The following SLC9A9 variants were observed in gnomAD, a reference collection of about 807,000 sequenced individuals.
SLC9A9 encodes solute carrier family 9 member A9, also known as sodium/hydrogen exchanger 9.
In SLC9A9, 62 loss-of-function variants were observed where a neutral mutation model predicts 77.8. The observed-to-expected ratio is 0.80, with a 90% CI of 0.65 to 0.98. The LOEUF is 0.98. SLC9A9 is among the 50% of genes least tolerant of loss of function. The pLI, the probability that SLC9A9 is intolerant of heterozygous loss-of-function variation, is 0.00. For synonymous variants in SLC9A9, 320 were observed against 283.5 expected (o/e 1.13, Z -1.29); for missense variants, 775 against 774.9 (o/e 1.00, Z 0.00).
At chr3:143,427,955 T>C (rs2034435807) in intron 12 of SLC9A9, among the ~76,000 whole-genome samples, 1 of 152,208 alleles carries the variant, frequency 6.6e-6, no homozygotes. Flanking sequence ...AACTAAAGAC[T>C]TAAATGCAGG....
intron 4 of SLC9A9, among the ~76,000 whole-genome samples, chr3:143,761,249 AC>A (rs1224533988): frequency 6.6e-5 from 10 of 152,154 alleles, no homozygotes; most frequent in African/African-American, 2.4e-4. Flanking sequence ...CTAGAAGAAA[AC>A]CTAGGCAATA....
intron 14 of SLC9A9, among the ~76,000 whole-genome samples, chr3:143,326,391 G>A (rs1488141311): frequency 6.6e-6 from 1 of 152,056 alleles, no homozygotes; most frequent in Non-Finnish European, 1.5e-5. Flanking sequence ...TCTTAACTTT[G>A]CCTGCCGGCC....
chr3:143,393,666 G>GTT (rs1421026869), intron 12 of SLC9A9, among the ~76,000 whole-genome samples: 5 of 152,166 alleles, frequency 3.3e-5, no homozygotes, highest in African/African-American at 1.2e-4. Context: ...ACAGGAGCTG[G>GTT]TTTTTTGAAA....
chr3:143,266,627 TGCCTCATCA>T lies in SLC9A9; in HGVS notation c.*66_*74del. ...ATGTTTTCCAGCCTCTCCCCTGTAC[TGCCTCATCA>T]GCTTGGCTTGTATTCCTCAGTGAGT... On this transcript the variant is annotated 3_prime_UTR_variant, in exon 16 of 16. Transcript: ENST00000316549. 6.8e-7 allele frequency: 1 copy of T among 1,460,908 alleles called. No homozygotes were observed. 90.5% of individuals were successfully genotyped at this position (1,460,908 alleles called of 1,614,324 possible).
intron 14 of SLC9A9, among the ~76,000 whole-genome samples, chr3:143,358,898 A>T (rs2032663380): frequency 6.6e-6 from 1 of 152,228 alleles, no homozygotes. Context: ...TCAGGCTTGA[A>T]TGTGCCAGAT....
At chr3:143,521,368 G>A (rs929730968) in intron 9 of SLC9A9, among the ~76,000 whole-genome samples, 1 of 152,102 alleles carries the variant, frequency 6.6e-6, no homozygotes, top group Non-Finnish European at 1.5e-5. Context: ...TTGTGATCTG[G>A]ATGCTGGTTA....
intron 12 of SLC9A9, among the ~76,000 whole-genome samples, chr3:143,417,690 C>G (rs113860450): frequency 6.6e-5 from 10 of 152,158 alleles, no homozygotes; most frequent in African/African-American, 2.2e-4. Flanking sequence ...ACACCAGGAA[C>G]AGACTCTGCC....
chr3:143,352,918 T>C (rs2032497662), intron 14 of SLC9A9, among the ~76,000 whole-genome samples: 2 of 152,218 alleles, frequency 1.3e-5, no homozygotes, highest in Admixed American at 1.3e-4. Flanking sequence ...CAGGACTCTG[T>C]GGCTCTGTGC....
chr3:143,759,441 G>A (rs1056624746), intron 4 of SLC9A9, among the ~76,000 whole-genome samples: 1 of 152,074 alleles, frequency 6.6e-6, no homozygotes, highest in East Asian at 1.9e-4. Context: ...AACTGTCAAT[G>A]CAGGCACTAT....
chr3:143,680,655 C>G (rs1448881501), intron 5 of SLC9A9, among the ~76,000 whole-genome samples: 1 of 152,040 alleles, frequency 6.6e-6, no homozygotes, highest in Non-Finnish European at 1.5e-5. Flanking sequence ...TACTCGGGCA[C>G]CTCACAAAAT....
chr3:143,652,499 T>G, intron 5 of SLC9A9, 139 bp from the exon 6 acceptor site: 1 of 709,102 alleles, frequency 1.4e-6, no homozygotes, highest in Non-Finnish European at 2.5e-6. Flanking sequence ...AGACCTTTAT[T>G]CAAAAAATAT....
chr3:143,522,293 G>T (rs1278085515), intron 9 of SLC9A9, among the ~76,000 whole-genome samples: 1 of 152,238 alleles, frequency 6.6e-6, no homozygotes, highest in South Asian at 2.1e-4. Context: ...GACTTGAAAA[G>T]AGTTTAAAAC....
chr3:143,805,552 A>C (rs1035031314), intron 2 of SLC9A9, among the ~76,000 whole-genome samples: 2 of 152,204 alleles, frequency 1.3e-5, no homozygotes, highest in Non-Finnish European at 2.9e-5. Context: ...GGCCCGAAGC[A>C]AGTGAAGAAT....
At position 143,268,887 on chromosome 3, in the gene SLC9A9, A is replaced by AG. The variant is rs746922185; in HGVS notation, c.1697dup (p.Gln567SerfsTer11). On this transcript the variant is annotated frameshift_variant, in exon 15 of 16. Transcript: ENST00000316549. LOFTEE classifies it high-confidence loss of function. ...GAGATTTACTTACCCCATAGGCTTG[A>AG]GGACTGGTAAGCAGCCTGGAAATCG... is the stretch of plus-strand genomic sequence containing the variant. 6.2e-6 allele frequency: 10 copies of AG among 1,613,524 alleles called. No homozygotes were observed. The highest frequency in any genetic ancestry group is 8.5e-6 in the Non-Finnish European group (10 of 1,179,572).
At chr3:143,407,508 A>G (rs1279749655) in intron 12 of SLC9A9, among the ~76,000 whole-genome samples, 1 of 152,218 alleles carries the variant, frequency 6.6e-6, no homozygotes, top group East Asian at 1.9e-4. Flanking sequence ...ACATTTTGTA[A>G]TATCCCACGT....
intron 5 of SLC9A9, among the ~76,000 whole-genome samples, chr3:143,676,568 C>T (rs953204424): frequency 3.3e-5 from 5 of 151,994 alleles, no homozygotes; most frequent in African/African-American, 9.7e-5. Context: ...GAAACCCTGT[C>T]CCTACCAAAA....
chr3:143,274,001 A>G (rs1356105695), intron 14 of SLC9A9, among the ~76,000 whole-genome samples: 1 of 152,244 alleles, frequency 6.6e-6, no homozygotes, highest in Non-Finnish European at 1.5e-5. Context: ...GAACCCAGAC[A>G]TATATAATGG....
intron 11 of SLC9A9, among the ~76,000 whole-genome samples, chr3:143,481,072 A>C (rs1230352749): frequency 6.6e-6 from 1 of 152,186 alleles, no homozygotes; most frequent in African/African-American, 2.4e-5. Flanking sequence ...TCATTCATTC[A>C]CCTATTTATA....
chr3:143,613,310 T>A (rs1219030364), intron 6 of SLC9A9, among the ~76,000 whole-genome samples: 2 of 152,216 alleles, frequency 1.3e-5, no homozygotes, highest in African/African-American at 4.8e-5. Context: ...GTGGTTTAAT[T>A]TTTTAGCAAC....
Sources: gnomAD v4.1 joint callset for allele counts (sites outside exome capture counted in the v4.1 genomes callset) on GRCh38, gnomAD v4.1.1 for gene constraint, MANE v1.5 for transcripts, NCBI Gene and HGNC (gene_info 2026-07-23, HGNC 2026-07-21) for gene names.